PPP1R9A: variants seen among roughly 807,000 people sequenced by gnomAD.
The protein encoded by PPP1R9A is protein phosphatase 1 regulatory subunit 9A.
A neutral mutation model predicts 141.9 loss-of-function variants in PPP1R9A; 59 were observed. That is an observed-to-expected ratio of 0.42 (90% CI 0.34 to 0.52). The LOEUF is 0.52. Among genes scored for constraint, PPP1R9A ranks in the 20% least tolerant of loss-of-function variants. The pLI, the probability that PPP1R9A is intolerant of heterozygous loss-of-function variation, is 0.10. For synonymous variants in PPP1R9A, 500 were observed against 569.7 expected, an observed-to-expected ratio of 0.88 and a Z score of 1.74; for missense variants, 1,444 against 1,611.9, an observed-to-expected ratio of 0.90 and a Z score of 1.78.
intron 4 of PPP1R9A, among the ~76,000 whole-genome samples, chr7:95,151,642 G>A (rs1828690969): frequency 6.6e-6 from 1 of 151,214 alleles, no homozygotes; most frequent in African/African-American, 2.4e-5. Context: ...ATAATGATGT[G>A]TCTTTAAAGG....
At chr7:95,208,672 C>A (rs1006591233) in intron 7 of PPP1R9A, among the ~76,000 whole-genome samples, 2 of 150,730 alleles carry the variant, frequency 1.3e-5, no homozygotes, top group African/African-American at 4.9e-5. Context: ...TGCAGTGAGC[C>A]GAGATCACAC....
intron 2 of PPP1R9A, chr7:95,037,031 A>AC (rs1199151129): frequency 1.3e-5 from 2 of 152,150 alleles, no homozygotes; most frequent in Non-Finnish European, 2.9e-5. Flanking sequence ...AAGTCACTGT[A>AC]CCCAGTGGAG....
chr7:95,100,922 G>A (rs1427827106), intron 2 of PPP1R9A, among the ~76,000 whole-genome samples: 1 of 142,138 alleles, frequency 7.0e-6, no homozygotes, highest in Non-Finnish European at 1.5e-5. Flanking sequence ...GCGGGATCTC[G>A]GCTCACTGCA....
chr7:95,007,497 C>G (rs1803786351), intron 2 of PPP1R9A, among the ~76,000 whole-genome samples: 1 of 152,182 alleles, frequency 6.6e-6, no homozygotes, highest in African/African-American at 2.4e-5. Context: ...TGTATTCTCT[C>G]ATTTCCCATA....
At chr7:94,977,255 T>C (rs1307006213) in intron 2 of PPP1R9A, among the ~76,000 whole-genome samples, 2 of 152,068 alleles carry the variant, frequency 1.3e-5, no homozygotes, top group Non-Finnish European at 1.5e-5. Context: ...AGAGAGTGAA[T>C]ATAGGAAAAG....
intron 7 of PPP1R9A, among the ~76,000 whole-genome samples, chr7:95,217,916 A>C (rs1388236761): frequency 6.6e-6 from 1 of 152,152 alleles, no homozygotes; most frequent in African/African-American, 2.4e-5. Context: ...CTTTTCAAAC[A>C]ACCAGCTCCT....
chr7:95,260,701 T>C (rs1278694636), intron 12 of PPP1R9A, among the ~76,000 whole-genome samples: 1 of 151,048 alleles, frequency 6.6e-6, no homozygotes, highest in African/African-American at 2.4e-5. Flanking sequence ...AAAAGTTGCT[T>C]CAAGAGGAAA....
At chr7:94,984,059 G>A (rs923051339) in intron 2 of PPP1R9A, among the ~76,000 whole-genome samples, 1 of 151,968 alleles carries the variant, frequency 6.6e-6, no homozygotes, top group African/African-American at 2.4e-5. Flanking sequence ...GAATTTTATC[G>A]AAGGCCTTTT....
intron 16 of PPP1R9A, among the ~76,000 whole-genome samples, chr7:95,274,897 A>G (rs551874978): frequency 6.6e-6 from 1 of 152,288 alleles, no homozygotes; most frequent in African/African-American, 2.4e-5. Context: ...TCATTTCCTC[A>G]TGTAAAATGA....
chr7:95,241,663 G>T (rs1797485028), intron 8 of PPP1R9A, among the ~76,000 whole-genome samples: 1 of 151,938 alleles, frequency 6.6e-6, no homozygotes, highest in South Asian at 2.1e-4. Flanking sequence ...CACAGCAATT[G>T]CAACAATTAA....
chr7:94,982,728 C>CT (rs1187466832), intron 2 of PPP1R9A, among the ~76,000 whole-genome samples: 1 of 152,104 alleles, frequency 6.6e-6, no homozygotes, highest in African/African-American at 2.4e-5. Context: ...GATATTAGCC[C>CT]TTTGTCAGAT....
chr7:94,914,064 CTTTA>C (rs1271556704), intron 2 of PPP1R9A, among the ~76,000 whole-genome samples: 10 of 152,100 alleles, frequency 6.6e-5, no homozygotes, highest in Non-Finnish European at 1.3e-4. Context: ...TTTCATAAAA[CTTTA>C]TTTATGGAAT....
chr7:95,101,913 G>C lies in PPP1R9A; in HGVS notation c.1396-9346G>C, dbSNP rs527635979. Among the ~76,000 whole-genome samples, 163 of 152,132 alleles carry C rather than the reference G, an allele frequency of 1.1e-3. 1 individual carries two copies. The highest frequency in any genetic ancestry group is 3.6e-3 in the African/African-American group (151 of 41,496). On this transcript the variant is annotated intron_variant, in intron 2 of 19. Transcript: ENST00000433360. ...ACATTAACTGCTGAATTCAGAGTTT[G>C]AGTCATTATGTGGATTTTTGGTTGT...
intron 5 of PPP1R9A, among the ~76,000 whole-genome samples, chr7:95,169,429 A>G (rs564082459): frequency 2.6e-5 from 4 of 151,848 alleles, no homozygotes; most frequent in Non-Finnish European, 5.9e-5. Flanking sequence ...GGTTGCTTAA[A>G]ATGTACAAAA....
intron 18 of PPP1R9A, among the ~76,000 whole-genome samples, chr7:95,287,630 T>A (rs1417646532): frequency 6.6e-6 from 1 of 152,182 alleles, no homozygotes; most frequent in African/African-American, 2.4e-5. Flanking sequence ...GCTCTACCAC[T>A]TACTAACTGT....
At chr7:95,228,948 T>TGGAGTGTG (rs1795525310) in intron 8 of PPP1R9A, among the ~76,000 whole-genome samples, 1 of 152,180 alleles carries the variant, frequency 6.6e-6, no homozygotes, top group Non-Finnish European at 1.5e-5. Context: ...AAATAAAAGC[T>TGGAGTGTG]GCCACATGGC....
chr7:95,274,585 T>C (rs1420454775), intron 16 of PPP1R9A, among the ~76,000 whole-genome samples: 1 of 152,220 alleles, frequency 6.6e-6, no homozygotes, highest in Non-Finnish European at 1.5e-5. Flanking sequence ...TTCAAGATTG[T>C]CTTGTCCACA....
At chr7:95,012,299 A>G (rs939183644) in intron 2 of PPP1R9A, among the ~76,000 whole-genome samples, 1 of 152,128 alleles carries the variant, frequency 6.6e-6, no homozygotes, top group African/African-American at 2.4e-5. Flanking sequence ...TGGGCAGAAT[A>G]GGAGGAACAG....
chr7:95,074,889 TTAA>T (rs1480487480), intron 2 of PPP1R9A, among the ~76,000 whole-genome samples: 1 of 152,230 alleles, frequency 6.6e-6, no homozygotes. Flanking sequence ...TTTTTAAGTT[TTAA>T]TAATATGATA....
Sources: gnomAD v4.1 joint callset for allele counts (sites outside exome capture counted in the v4.1 genomes callset) on GRCh38, gnomAD v4.1.1 for gene constraint, MANE v1.5 for transcripts, NCBI Gene and HGNC (gene_info 2026-07-23, HGNC 2026-07-21) for gene names.